Variants in FGF14 observed in about 807,000 individuals in gnomAD.
FGF14 encodes fibroblast growth factor homologous factor 4.
FGF14 carries 5 observed loss-of-function variants against 25.5 expected under a neutral mutation model. That is an observed-to-expected ratio of 0.20 (90% CI 0.10 to 0.41). The LOEUF is 0.41. FGF14 is among the 10% of genes least tolerant of loss of function. The pLI is 1.00. For synonymous variants in FGF14, 138 were observed against 118.3 expected (o/e 1.17, Z -1.08); for missense variants, 222 against 320.1 (o/e 0.69, Z 2.34).
chr13:102,323,362 GCTT>G (rs769869860), intron 1 of FGF14, among the ~76,000 whole-genome samples: 1 of 152,062 alleles, frequency 6.6e-6, no homozygotes, highest in African/African-American at 2.4e-5. Flanking sequence ...TCATTAACTT[GCTT>G]CTTTTTATTT....
At chr13:102,226,071 C>T (rs1336694) in intron 1 of FGF14, among the ~76,000 whole-genome samples, 47,880 of 152,032 alleles carry the variant, frequency 0.31, 8,042 homozygotes, top group Middle Eastern at 0.39. Context: ...TTGGTTCACG[C>T]GTGTTGCAAT....
At chr13:101,936,532 A>G (rs1386645193) in intron 1 of FGF14, among the ~76,000 whole-genome samples, 1 of 152,202 alleles carries the variant, frequency 6.6e-6, no homozygotes, top group African/African-American at 2.4e-5. Context: ...CAGGCATTTC[A>G]GGGACATTTC....
intron 1 of FGF14, among the ~76,000 whole-genome samples, chr13:101,908,230 A>G (rs1464717651): frequency 6.6e-6 from 1 of 152,192 alleles, no homozygotes; most frequent in Non-Finnish European, 1.5e-5. Context: ...TTCTTCAGCC[A>G]AATTCAGCCT....
At chr13:102,048,010 T>C (rs1364370823) in intron 1 of FGF14, among the ~76,000 whole-genome samples, 2 of 150,978 alleles carry the variant, frequency 1.3e-5, no homozygotes, top group Non-Finnish European at 2.9e-5. Context: ...TTTATTATCT[T>C]AGTTGTTTAA....
rs547881892 is a variant in FGF14, at chr13:101,797,047, G to T, written c.409-70237C>A. On this transcript the variant is annotated intron_variant, in intron 3 of 4. Transcript: ENST00000376143. ...CAGCACCCAACTCCACTGCCTATCA[G>T]CTTGGGAAATATTCTCGCAAGTCTT... Among the ~76,000 whole-genome samples, 36 of 152,160 alleles carry T rather than the reference G, an allele frequency of 2.4e-4. 1 individual carries two copies. In the East Asian group the frequency reaches 6.8e-3, roughly 29 times the overall value.
At chr13:101,930,949 T>A (rs2034711680) in intron 1 of FGF14, among the ~76,000 whole-genome samples, 1 of 152,142 alleles carries the variant, frequency 6.6e-6, no homozygotes, top group South Asian at 2.1e-4. Context: ...TCCAACAAAT[T>A]TACCCCTCTC....
chr13:102,102,976 T>C (rs1697334014), intron 1 of FGF14, among the ~76,000 whole-genome samples: 1 of 152,148 alleles, frequency 6.6e-6, no homozygotes, highest in Non-Finnish European at 1.5e-5. Context: ...CAGGGAAAGA[T>C]CTAAATTACA....
intron 3 of FGF14, among the ~76,000 whole-genome samples, chr13:101,867,928 A>G (rs1349409921): frequency 1.4e-5 from 2 of 147,486 alleles, no homozygotes; most frequent in Admixed American, 6.8e-5. Flanking sequence ...ACACACACAC[A>G]CACACACGCG....
At chr13:102,338,645 A>G (rs1197027618) in intron 1 of FGF14, among the ~76,000 whole-genome samples, 6 of 152,236 alleles carry the variant, frequency 3.9e-5, no homozygotes, top group Non-Finnish European at 8.8e-5. Context: ...CAAATAATCT[A>G]TCATTGATAT....
chr13:102,365,739 T>C (rs2057692070), intron 1 of FGF14, among the ~76,000 whole-genome samples: 1 of 151,546 alleles, frequency 6.6e-6, no homozygotes, highest in South Asian at 2.1e-4. Context: ...TATGTATATA[T>C]GTGTGTGTGT....
intron 1 of FGF14, among the ~76,000 whole-genome samples, chr13:101,892,002 T>C (rs2029866248): frequency 6.6e-6 from 1 of 152,110 alleles, no homozygotes. Flanking sequence ...GGTACGAAGA[T>C]GTGACATAGC....
intron 1 of FGF14, among the ~76,000 whole-genome samples, chr13:101,913,200 G>A (rs962063566): frequency 7.2e-5 from 11 of 152,174 alleles, no homozygotes; most frequent in Admixed American, 7.2e-4. Flanking sequence ...ACAAACAAAA[G>A]GATAAGGATT....
At chr13:101,904,427 T>C (rs2031980296) in intron 1 of FGF14, among the ~76,000 whole-genome samples, 1 of 152,088 alleles carries the variant, frequency 6.6e-6, no homozygotes. Context: ...TGCAGAAAAT[T>C]TAAAAAAGAG....
intron 1 of FGF14, among the ~76,000 whole-genome samples, chr13:102,262,446 G>A (rs1044022146): frequency 2.0e-5 from 3 of 151,492 alleles, no homozygotes; most frequent in Admixed American, 6.6e-5. Context: ...AAGAAAAACT[G>A]GTGCTACAAT....
intron 1 of FGF14, among the ~76,000 whole-genome samples, chr13:101,942,929 G>A (rs2035546263): frequency 6.6e-6 from 1 of 152,194 alleles, no homozygotes; most frequent in African/African-American, 2.4e-5. Flanking sequence ...TTGGCATTAT[G>A]GAAATCAATC....
At chr13:102,255,382 T>A (rs1429319979) in intron 1 of FGF14, among the ~76,000 whole-genome samples, 2 of 151,966 alleles carry the variant, frequency 1.3e-5, no homozygotes, top group African/African-American at 4.8e-5. Context: ...CCCAAAGAAA[T>A]AACATCCATT....
chr13:102,252,804 T>A (rs2052247422), intron 1 of FGF14, among the ~76,000 whole-genome samples: 1 of 152,152 alleles, frequency 6.6e-6, no homozygotes, highest in Non-Finnish European at 1.5e-5. Context: ...TTTCTCCTAA[T>A]GCTATCCCTC....
chr13:101,819,512 G>A (rs574028037), intron 3 of FGF14, among the ~76,000 whole-genome samples: 3 of 152,148 alleles, frequency 2.0e-5, no homozygotes, highest in Non-Finnish European at 4.4e-5. Flanking sequence ...CTACCTATCA[G>A]TGATGTAAAA....
intron 1 of FGF14, among the ~76,000 whole-genome samples, chr13:102,242,329 T>C (rs909770546): frequency 2.0e-4 from 31 of 152,082 alleles, no homozygotes; most frequent in African/African-American, 7.2e-4. Flanking sequence ...TGACATGATG[T>C]CTTTGTCCAT....
Sources: gnomAD v4.1 joint callset for allele counts (sites outside exome capture counted in the v4.1 genomes callset) on GRCh38, gnomAD v4.1.1 for gene constraint, MANE v1.5 for transcripts, NCBI Gene and HGNC (gene_info 2026-07-23, HGNC 2026-07-21) for gene names.